The following COG5 variants were observed in gnomAD, a reference collection of about 807,000 sequenced individuals.
COG5 encodes the protein conserved oligomeric Golgi complex subunit 5.
COG5 carries 86 observed loss-of-function variants against 110.4 expected under a neutral mutation model. The observed-to-expected ratio is 0.78, with a 90% CI of 0.65 to 0.93. The LOEUF is 0.93. Among genes scored for constraint, COG5 ranks in the 40% least tolerant of loss-of-function variants. COG5 has a pLI of 0.00. For synonymous variants in COG5, 360 were observed against 334.6 expected (o/e 1.08, Z -0.83); for missense variants, 1,077 against 987.0 (o/e 1.09, Z -1.22).
intron 6 of COG5, among the ~76,000 whole-genome samples, chr7:107,486,140 T>G (rs1797643898): frequency 6.6e-6 from 1 of 151,954 alleles, no homozygotes; most frequent in Non-Finnish European, 1.5e-5. Context: ...AAAAAAAAAT[T>G]ATAATTTAAT....
chr7:107,433,990 G>T (rs1794195827), intron 6 of COG5, among the ~76,000 whole-genome samples: 1 of 152,116 alleles, frequency 6.6e-6, no homozygotes, highest in African/African-American at 2.4e-5. Context: ...ATTTTTAAAT[G>T]GGCAAAGAAT....
intron 6 of COG5, among the ~76,000 whole-genome samples, chr7:107,488,865 TA>T (rs140227224): frequency 1.2e-4 from 18 of 149,694 alleles, no homozygotes; most frequent in African/African-American, 2.2e-4. Context: ...AATAAAAAAT[TA>T]AAAAAAAAAT....
chr7:107,525,982 A>G (rs1353520343), intron 6 of COG5, among the ~76,000 whole-genome samples: 1 of 152,232 alleles, frequency 6.6e-6, no homozygotes, highest in Non-Finnish European at 1.5e-5. Flanking sequence ...ATATTTCAGC[A>G]GTATACAATT....
At chr7:107,227,232 G>A (rs1800406350) in intron 19 of COG5, among the ~76,000 whole-genome samples, 1 of 152,152 alleles carries the variant, frequency 6.6e-6, no homozygotes, top group Non-Finnish European at 1.5e-5. Context: ...ATCACATGAA[G>A]TAAGGGTACT....
chr7:107,490,990 A>G (rs756868440), intron 6 of COG5, among the ~76,000 whole-genome samples: 14 of 152,120 alleles, frequency 9.2e-5, no homozygotes, highest in Non-Finnish European at 4.4e-5. Flanking sequence ...GATTTATTCA[A>G]AGTCATTTAC....
chr7:107,453,690 A>G (rs1422645574), intron 6 of COG5, among the ~76,000 whole-genome samples: 3 of 152,156 alleles, frequency 2.0e-5, no homozygotes, highest in Non-Finnish European at 4.4e-5. Context: ...ATTACATCAC[A>G]TGTTCAAAAA....
intron 16 of COG5, among the ~76,000 whole-genome samples, chr7:107,256,031 G>C (rs1487231771): frequency 6.6e-6 from 1 of 152,078 alleles, no homozygotes; most frequent in African/African-American, 2.4e-5. Context: ...ATTTCAAAAT[G>C]TGCCTCTCTA....
At chr7:107,405,771 G>A (rs1791789631) in intron 7 of COG5, among the ~76,000 whole-genome samples, 1 of 152,142 alleles carries the variant, frequency 6.6e-6, no homozygotes. Context: ...GTATTAGAAG[G>A]TGTGGCCTTT....
Position 107,362,420 on chromosome 7 carries a change from C to G in COG5, c.836G>C (p.Gly279Ala). Reference protein sequence around the residue: ...LTQPSQSAVRGGPGRSTMPTP... With the variant: ...LTQPSQSAVRAGPGRSTMPTP... ...TGGCATGGTAGATCGTCCAGGTCCC[C>G]CTGGTTATGAGTGAGAAAGAACAAT... The change falls in exon 9 of 22, where the codon GGG (glycine) becomes GCG (alanine). Residue 279 changes from glycine to alanine, a missense_variant and splice_region_variant. Coordinates refer to ENST00000297135, the MANE Select transcript of COG5 (RefSeq NM_006348.5). 6.2e-7 allele frequency: 1 copy of G among 1,604,456 alleles called. No homozygotes were observed. Among genetic ancestry groups the G allele is most frequent in the Non-Finnish European group, 8.5e-7 (1 of 1,171,394 alleles).
intron 5 of COG5, among the ~76,000 whole-genome samples, chr7:107,537,404 C>T (rs1801662052): frequency 6.6e-6 from 1 of 152,120 alleles, no homozygotes; most frequent in African/African-American, 2.4e-5. Context: ...GAATACTATG[C>T]AGCCATAAAA....
chr7:107,220,529 C>A (rs1305685458), intron 19 of COG5, among the ~76,000 whole-genome samples: 1 of 152,210 alleles, frequency 6.6e-6, no homozygotes, highest in African/African-American at 2.4e-5. Flanking sequence ...TCTCCATAGA[C>A]TGGTTACTAT....
intron 7 of COG5, among the ~76,000 whole-genome samples, chr7:107,399,794 CACT>C (rs1791293033): frequency 6.6e-6 from 1 of 152,170 alleles, no homozygotes; most frequent in Non-Finnish European, 1.5e-5. Flanking sequence ...CAAAAACCTT[CACT>C]ATTAAGCAGT....
chr7:107,444,424 T>C (rs1794890944), intron 6 of COG5, among the ~76,000 whole-genome samples: 1 of 152,180 alleles, frequency 6.6e-6, no homozygotes, highest in South Asian at 2.1e-4. Context: ...ACAGGCCAAA[T>C]GGTTCAGGAT....
chr7:107,318,779 A>T (rs1202348906), intron 11 of COG5, among the ~76,000 whole-genome samples: 1 of 152,198 alleles, frequency 6.6e-6, no homozygotes, highest in African/African-American at 2.4e-5. Flanking sequence ...GACCTCATTT[A>T]AACTTAATTG....
chr7:107,323,205 C>A (rs12531187), intron 11 of COG5, among the ~76,000 whole-genome samples: 1 of 152,050 alleles, frequency 6.6e-6, no homozygotes, highest in East Asian at 1.9e-4. Flanking sequence ...GATATTTATT[C>A]CCTCCCAAAA....
intron 15 of COG5, among the ~76,000 whole-genome samples, chr7:107,257,184 A>T (rs552184049): frequency 6.6e-6 from 1 of 152,284 alleles, no homozygotes; most frequent in African/African-American, 2.4e-5. Flanking sequence ...TCAGCATTTC[A>T]ATTTTTACAA....
chr7:107,320,766 G>C (rs144761891), intron 11 of COG5, among the ~76,000 whole-genome samples: 7 of 152,278 alleles, frequency 4.6e-5, no homozygotes, highest in African/African-American at 1.7e-4. Flanking sequence ...TGTAAAATGA[G>C]ACCCTCTCCA....
In COG5 at chr7:107,508,745, C is replaced by T. The variant is rs980393657; in HGVS notation, c.538+18492G>A. Among the ~76,000 whole-genome samples, 3 of 152,132 alleles carry T rather than the reference C, an allele frequency of 2.0e-5. No individual in the cohort carries two copies. The South Asian group carries it at 6.2e-4, about 31-fold the overall frequency. ...ACCAACATCCACTGTTCTACAGCCA[C>T]CGCTGTTCTGCAGCCACCGCTGCTG... On this transcript the variant is annotated intron_variant, in intron 6 of 21. Transcript: ENST00000297135.
At chr7:107,229,246 C>T (rs1404195605) in intron 19 of COG5, among the ~76,000 whole-genome samples, 1 of 152,032 alleles carries the variant, frequency 6.6e-6, no homozygotes, top group Non-Finnish European at 1.5e-5. Flanking sequence ...GAGAGGAGAT[C>T]GAGACCATCC....
Sources: allele counts gnomAD v4.1 joint callset (sites outside exome capture counted in the v4.1 genomes callset), GRCh38; gene constraint gnomAD v4.1.1; transcripts MANE v1.5; gene names NCBI Gene and HGNC (gene_info 2026-07-23, HGNC 2026-07-21).